DYNC2I1: variants seen among roughly 807,000 people sequenced by gnomAD.
DYNC2I1 encodes the protein dynein 2 intermediate chain 1, also known as cytoplasmic dynein 2 intermediate chain 1.
Under a neutral mutation model 133.4 loss-of-function variants are expected in DYNC2I1, and 89 were observed. That is an observed-to-expected ratio of 0.67 (90% CI 0.56 to 0.80). The LOEUF (loss-of-function observed/expected upper bound fraction) is 0.80, where lower values mean the gene tolerates loss of function less well. DYNC2I1 is among the 30% of genes least tolerant of loss of function. The pLI is 0.00. For synonymous variants in DYNC2I1, 504 were observed against 484.3 expected (o/e 1.04, Z -0.54); for missense variants, 1,291 against 1,314.5 (o/e 0.98, Z 0.28).
chr7:158,917,012 C>T (rs62476507), intron 14 of DYNC2I1, among the ~76,000 whole-genome samples: 5 of 60,390 alleles, frequency 8.3e-5, no homozygotes, highest in African/African-American at 1.3e-4. Context: ...TGTGAAACGT[C>T]GACACGCTGG....
chr7:158,905,605 C>T (rs1233105113), intron 10 of DYNC2I1, among the ~76,000 whole-genome samples: 1 of 152,162 alleles, frequency 6.6e-6, no homozygotes, highest in Admixed American at 6.6e-5. Flanking sequence ...TATTAATTTG[C>T]ACTTGTTTCT....
chr7:158,880,782 G>A (rs1274575429), intron 5 of DYNC2I1, among the ~76,000 whole-genome samples: 1 of 152,146 alleles, frequency 6.6e-6, no homozygotes, highest in Admixed American at 6.5e-5. Context: ...TTTCCTAGAG[G>A]TGTTTTAGCA....
At chr7:158,892,393 A>G (rs1190211037) in intron 8 of DYNC2I1, among the ~76,000 whole-genome samples, 1 of 152,188 alleles carries the variant, frequency 6.6e-6, no homozygotes, top group Non-Finnish European at 1.5e-5. Context: ...ACTTTATATG[A>G]TAATGTGCCA....
chr7:158,850,310 CCAGCTGCTG>C, the DYNC2I1 span, among the ~76,000 whole-genome samples: 1 of 152,210 alleles, frequency 6.6e-6, no homozygotes, highest in East Asian at 1.9e-4. Flanking sequence ...AGTTGCACGT[CCAGCTGCTG>C]CAGCTGCACC....
At chr7:158,925,679 G>A (rs1849538661) in intron 17 of DYNC2I1, among the ~76,000 whole-genome samples, 1 of 152,120 alleles carries the variant, frequency 6.6e-6, no homozygotes, top group Admixed American at 6.6e-5. Context: ...GGGTGGGTTT[G>A]CCTTTCCTTT....
chr7:158,929,336 G>A (rs576768270), intron 20 of DYNC2I1, among the ~76,000 whole-genome samples: 50 of 152,366 alleles, frequency 3.3e-4, no homozygotes, highest in African/African-American at 1.2e-3. Flanking sequence ...ACCCCAGCCC[G>A]GGAGAGGGCG....
upstream of DYNC2I1, among the ~76,000 whole-genome samples, chr7:158,853,842 G>A (rs988835131): frequency 2.6e-5 from 4 of 151,852 alleles, no homozygotes; most frequent in Non-Finnish European, 1.5e-5. Context: ...TAGTAGAGAC[G>A]GGCTTTCTCC....
At position 158,941,936 on chromosome 7, in the gene DYNC2I1, G is replaced by A. The variant is rs182903313; in HGVS notation, c.2790G>A (p.Ser930=). ...CTTCCTGGTCATAGGCCGGCTGTTC[G>A]GACGGAAGCATCAGGCTGCACCAGC... ...FGEPIFLAGC[S]DGSIRLHQLS... Residue 930 remains serine (S), a synonymous_variant, in exon 24 of 25, where the codon TCG becomes TCA. Coordinates refer to ENST00000407559, the MANE Select transcript of DYNC2I1 (RefSeq NM_018051.5). 2.2e-5 allele frequency: 35 copies of A among 1,604,894 alleles called. No homozygotes were observed. In the African/African-American group the frequency reaches 3.6e-4, roughly 17 times the overall value.
intron 1 of DYNC2I1, among the ~76,000 whole-genome samples, chr7:158,865,587 G>A (rs1003287949): frequency 3.3e-5 from 5 of 152,168 alleles, no homozygotes; most frequent in African/African-American, 1.2e-4. Flanking sequence ...TCATCCACTA[G>A]TGCGTGGGCT....
chr7:158,886,144 T>A (rs901382805), intron 6 of DYNC2I1, among the ~76,000 whole-genome samples: 2 of 151,964 alleles, frequency 1.3e-5, no homozygotes, highest in Non-Finnish European at 2.9e-5. Flanking sequence ...TTTTATTTTT[T>A]GTTTTGTGAT....
rs1585253824 is a variant in DYNC2I1 at position 158,942,010 on chromosome 7, A to G, written c.2864A>G (p.His955Arg). 1.2e-6 allele frequency: 2 copies of G among 1,613,488 alleles called. No homozygotes were observed. The highest frequency in any genetic ancestry group is 2.7e-5 in the African/African-American group (2 of 74,958). Residue 955 changes from histidine to arginine, a missense_variant, in exon 24 of 25, where the codon CAT (histidine) becomes CGT (arginine). Transcript: ENST00000407559. The part of the protein sequence containing the change: ...LLQWDSSTDS[H>R]AVTGLQWSPT... ...CAGTGGGACAGCAGCACGGACAGCCATGCGGTCACCGGCCTGCAGTGGTCC... is the reference window on the plus strand; with the variant it reads ...CAGTGGGACAGCAGCACGGACAGCCGTGCGGTCACCGGCCTGCAGTGGTCC...
At chr7:158,858,371 TG>T (rs1449758203) in intron 1 of DYNC2I1, among the ~76,000 whole-genome samples, 2 of 152,220 alleles carry the variant, frequency 1.3e-5, no homozygotes, top group Non-Finnish European at 2.9e-5. Context: ...AATGGAGTCC[TG>T]TATTCTAAGC....
At position 158,871,374 on chromosome 7, in the gene DYNC2I1, A is replaced by T. The variant is rs761376322; in HGVS notation, c.302A>T (p.Lys101Ile). 1 of 1,548,004 alleles carries T rather than the reference A, an allele frequency of 6.5e-7. No individual in the cohort carries two copies. Among genetic ancestry groups the T allele is most frequent in the African/African-American group, 1.4e-5 (1 of 72,484 alleles). The change falls in exon 3 of 25, where the codon AAA becomes ATA. Residue 101 changes from lysine to isoleucine, a missense_variant. Transcript: ENST00000407559. ...ERRRDAKDRE[K>I]EKLKEKHREA... is the part of the protein sequence containing the mutation. ...AGAAGAGACGCAAAAGACCGGGAGA[A>T]AGAAAAGCTGAAGGAGAAACATCGA...
chr7:158,875,653 G>A (rs750229934), intron 3 of DYNC2I1, among the ~76,000 whole-genome samples: 27 of 152,150 alleles, frequency 1.8e-4, no homozygotes, highest in Non-Finnish European at 3.5e-4. Context: ...CAGGATGGAT[G>A]CCGTAGTCTG....
chr7:158,902,458 A>C lies in DYNC2I1; in HGVS notation c.1220A>C (p.Glu407Ala), dbSNP rs777429263. 2 of 1,613,970 alleles carry C rather than the reference A, an allele frequency of 1.2e-6. No individual in the cohort carries two copies. Among genetic ancestry groups the C allele is most frequent in the Non-Finnish European group, 1.7e-6 (2 of 1,179,892 alleles). Residue 407 changes from glutamate to alanine, a missense_variant, in exon 10 of 25, where the codon GAA becomes GCA. Coordinates refer to ENST00000407559, the MANE Select transcript of DYNC2I1 (RefSeq NM_018051.5). ...NEPESREKLE[E>A]LPLAQKKEIQ... ...CCTGAGTCAAGAGAAAAACTGGAAG[A>C]ACTTCCTCTAGCTCAAAAAAAGGAA...
At chr7:158,839,562 G>A in the DYNC2I1 span, among the ~76,000 whole-genome samples, 1 of 152,226 alleles carries the variant, frequency 6.6e-6, no homozygotes, top group Non-Finnish European at 1.5e-5. Context: ...GTTCACGCCT[G>A]TAATCCCAGC....
intron 7 of DYNC2I1, among the ~76,000 whole-genome samples, chr7:158,890,091 T>C (rs1845054945): frequency 6.6e-6 from 1 of 151,286 alleles, no homozygotes; most frequent in Non-Finnish European, 1.5e-5. Flanking sequence ...CAAGTGATCC[T>C]CTTGCCTCAG....
Position 158,872,097 on chromosome 7 carries a change from C to T in DYNC2I1, c.490+535C>T, listed in dbSNP as rs559836494. ...TTGGGAGGCTGAGGTGGGAGGATCACTCCAGCCCAGGATTTTGAGACCAGC... is the reference window on the plus strand; with the variant it reads ...TTGGGAGGCTGAGGTGGGAGGATCATTCCAGCCCAGGATTTTGAGACCAGC... On this transcript the variant is annotated intron_variant, in intron 3 of 24. Transcript: ENST00000407559. 3.3e-5 allele frequency among the ~76,000 whole-genome samples: 5 copies of T among 152,124 alleles called. No homozygotes were observed. In the South Asian group the frequency reaches 1.0e-3, roughly 32 times the overall value.
At chr7:158,889,601 A>C (rs1844986343) in intron 7 of DYNC2I1, among the ~76,000 whole-genome samples, 1 of 152,126 alleles carries the variant, frequency 6.6e-6, no homozygotes, top group Non-Finnish European at 1.5e-5. Context: ...CACATTTATA[A>C]TTTTAAATTT....
Sources: gnomAD v4.1 joint callset for allele counts (sites outside exome capture counted in the v4.1 genomes callset) on GRCh38, gnomAD v4.1.1 for gene constraint, MANE v1.5 for transcripts, NCBI Gene and HGNC (gene_info 2026-07-23, HGNC 2026-07-21) for gene names.